MAP3K13: variants seen among roughly 807,000 people sequenced by gnomAD.
MAP3K13 encodes leucine zipper-bearing kinase.
Under a neutral mutation model 104.0 loss-of-function variants are expected in MAP3K13, and 52 were observed. The ratio of observed to expected loss-of-function variants is 0.50; its 90% confidence interval spans 0.40 to 0.63. MAP3K13 has a LOEUF of 0.63. Among genes scored for constraint, MAP3K13 ranks in the 20% least tolerant of loss-of-function variants. The probability of loss-of-function intolerance (pLI) is 0.00; values close to 1 mark genes in which losing one functional copy is unlikely to be tolerated. For missense variants in MAP3K13, 914 were observed against 1,218.5 expected, an observed-to-expected ratio of 0.75 and a Z score of 3.72; for synonymous variants, 394 against 442.2, an observed-to-expected ratio of 0.89 and a Z score of 1.37.
At chr3:185,324,340 G>A (rs950293018) in intron 2 of MAP3K13, among the ~76,000 whole-genome samples, 6 of 152,078 alleles carry the variant, frequency 3.9e-5, no homozygotes, top group African/African-American at 1.4e-4. Flanking sequence ...ATATATTTAA[G>A]AGCCATTTAT....
intron 6 of MAP3K13, among the ~76,000 whole-genome samples, chr3:185,451,046 C>T (rs911815045): frequency 6.6e-5 from 10 of 152,162 alleles, no homozygotes; most frequent in Non-Finnish European, 1.0e-4. Context: ...GCTGAGATTG[C>T]GCCACTGCAC....
At chr3:185,455,832 GATAT>G (rs372195506) in intron 7 of MAP3K13, among the ~76,000 whole-genome samples, 9 of 110,236 alleles carry the variant, frequency 8.2e-5, no homozygotes, top group South Asian at 2.8e-4. Context: ...ATATATATGA[GATAT>G]ATATATGAGA....
intron 13 of MAP3K13, among the ~76,000 whole-genome samples, chr3:185,481,641 C>A (rs868370868): frequency 3.3e-4 from 50 of 152,262 alleles, no homozygotes; most frequent in African/African-American, 1.1e-3. Context: ...AAGTGTAAAG[C>A]CTGGAATCTG....
At position 185,450,939 on chromosome 3, in the gene MAP3K13, A is replaced by C. The variant is rs1715846231; in HGVS notation, c.1170-348A>C. Among the ~76,000 whole-genome samples the C allele has an allele frequency of 2.0e-5, 3 of 152,122 alleles. No individual in the cohort carries two copies. Among genetic ancestry groups the C allele is most frequent in the Admixed American group, 1.3e-4 (2 of 15,276 alleles). ...CCCGTCTCTACTAAAAATACAAAAA[A>C]ATTAGCCAGGTCTGGTGGCGGGTGC... On this transcript the variant is annotated intron_variant, in intron 6 of 13. Transcript: ENST00000265026. This position sits in a 1 kb window ranked among gnomAD's most constrained non-coding sequence, Gnocchi z 4.2.
At chr3:185,345,795 A>G (rs1180985878) in intron 2 of MAP3K13, among the ~76,000 whole-genome samples, 1 of 152,202 alleles carries the variant, frequency 6.6e-6, no homozygotes, top group African/African-American at 2.4e-5. Flanking sequence ...AAAGTGCGCA[A>G]TAAATGTAAT....
At chr3:185,341,635 T>C (rs1280769680) in intron 2 of MAP3K13, among the ~76,000 whole-genome samples, 1 of 152,214 alleles carries the variant, frequency 6.6e-6, no homozygotes, top group Non-Finnish European at 1.5e-5. Context: ...TTAAGAGGTA[T>C]AGCCTAATTC....
At chr3:185,351,609 A>G (rs6799311) in intron 2 of MAP3K13, among the ~76,000 whole-genome samples, 6,736 of 152,304 alleles carry the variant, frequency 0.044, 501 homozygotes, top group African/African-American at 0.15. Flanking sequence ...CATATGTTAA[A>G]AAAAGGAAGA....
At chr3:185,411,378 T>C (rs1458791069) in intron 1 of MAP3K13, among the ~76,000 whole-genome samples, 1 of 152,214 alleles carries the variant, frequency 6.6e-6, no homozygotes. Flanking sequence ...CTTATTACTG[T>C]TATTTTGCAC....
chr3:185,483,236 G>C lies in MAP3K13; in HGVS notation c.*780G>C, dbSNP rs565959655. 1.7e-5 allele frequency: 4 copies of C among 232,954 alleles called. No individual in the cohort carries two copies. In the South Asian group the frequency reaches 7.2e-4, roughly 42 times the overall value. 14.4% of individuals were successfully genotyped at this position (232,954 alleles called of 1,614,324 possible). A position where few individuals can be genotyped will look rare whatever the true frequency, so the allele number is the denominator to read the frequency against. On this transcript the variant is annotated 3_prime_UTR_variant, in exon 14 of 14. Transcript: ENST00000265026. ...ATGTTTAAGCAGCAGTTGGTAGTGA[G>C]GTTTACAGATAGTGTCAAATCTTGT...
At position 185,436,615 on chromosome 3, in the gene MAP3K13, A is replaced by G. The variant is rs1247641251; in HGVS notation, c.476-832A>G. Among the ~76,000 whole-genome samples the G allele has an allele frequency of 2.0e-5, 3 of 152,196 alleles. No individual in the cohort carries two copies. The East Asian group carries it at 5.8e-4, about 29-fold the overall frequency. Reference sequence around the variant, plus strand: ...GAACATATGATATATGTAAAGTACTATGCTAGTGTATGGTATATAGTAAGT... The same window carrying G: ...GAACATATGATATATGTAAAGTACTGTGCTAGTGTATGGTATATAGTAAGT... On this transcript the variant is annotated intron_variant, in intron 2 of 13. Coordinates refer to ENST00000265026, the MANE Select transcript of MAP3K13 (RefSeq NM_004721.5).
Position 185,473,418 on chromosome 3 carries a change from C to G in MAP3K13, c.2087C>G (p.Pro696Arg). Residue 696 changes from proline to arginine, a missense_variant, in exon 11 of 14, where the codon CCT becomes CGT. Physicochemically the swap from Pro to Arg is moderately radical, Grantham distance 103. Coordinates refer to ENST00000265026, the MANE Select transcript of MAP3K13 (RefSeq NM_004721.5). The surrounding 1 kb of genome is among the most constrained non-coding windows in gnomAD (Gnocchi z 4.9). Reference sequence around the variant, plus strand: ...CAGAGACAGCTGCCCGGCTCGAGCCCTGACCTCATCTCCACAGCCATGGCT... The same window carrying G: ...CAGAGACAGCTGCCCGGCTCGAGCCGTGACCTCATCTCCACAGCCATGGCT... Reference protein sequence around the residue: ...HAQRQLPGSSPDLISTAMAAD... With the variant: ...HAQRQLPGSSRDLISTAMAAD... 2.5e-6 allele frequency: 4 copies of G among 1,614,222 alleles called. No homozygotes were observed. The highest frequency in any genetic ancestry group is 2.5e-6 in the Non-Finnish European group (3 of 1,180,044).
chr3:185,469,716 T>C (rs990071259), intron 10 of MAP3K13, among the ~76,000 whole-genome samples: 4 of 152,226 alleles, frequency 2.6e-5, no homozygotes, highest in Admixed American at 1.3e-4. Flanking sequence ...TTTAGCATCA[T>C]CTGAGAGCTT....
chr3:185,291,592 G>C, intron 2 of MAP3K13: 1 of 1,498,022 alleles, frequency 6.7e-7, no homozygotes. Context: ...GAATTTTTTT[G>C]TGTTTTGTTT....
At chr3:185,437,900 GT>G (rs1483641394) in intron 3 of MAP3K13, among the ~76,000 whole-genome samples, 5 of 152,130 alleles carry the variant, frequency 3.3e-5, no homozygotes, top group Admixed American at 2.0e-4. Flanking sequence ...GAAAATGTGG[GT>G]TCCTGCCAAG....
chr3:185,333,271 T>C (rs1365765414), intron 2 of MAP3K13, among the ~76,000 whole-genome samples: 3 of 152,192 alleles, frequency 2.0e-5, no homozygotes, highest in Admixed American at 2.0e-4. Context: ...ATTGGACAAG[T>C]TACTGAACCT....
rs1560117705 is a variant in MAP3K13 at position 185,454,861 on chromosome 3, T to TATATATATGAGATATATACATG, written c.1278+3484_1278+3485insCATGATATATATGAGATATATA. ...ATATATATATGAGATATATACATGATATATATATGAGATATATATATGATA... is the reference window on the plus strand; with the variant it reads ...ATATATATATGAGATATATACATGATATATATATGAGATATATACATGATATATATGAGATATATATATGATA... On this transcript the variant is annotated intron_variant, in intron 7 of 13. Coordinates refer to ENST00000265026, the MANE Select transcript of MAP3K13 (RefSeq NM_004721.5). Among the ~76,000 whole-genome samples the TATATATATGAGATATATACATG allele has an allele frequency of 2.1e-3, 100 of 48,566 alleles. 6 individuals carry two copies. The highest frequency in any genetic ancestry group is 5.9e-3 in the African/African-American group (97 of 16,424). 31.9% of individuals were successfully genotyped at this position (48,566 alleles called of 152,430 possible).
chr3:185,339,820 G>A (rs1179523184), intron 2 of MAP3K13, among the ~76,000 whole-genome samples: 1 of 152,218 alleles, frequency 6.6e-6, no homozygotes, highest in African/African-American at 2.4e-5. Context: ...TTCACACACA[G>A]ATACAGCTAA....
In MAP3K13 at chr3:185,428,625, A is replaced by G. The variant is rs373277959; in HGVS notation, c.44A>G (p.His15Arg). 13 of 1,612,276 alleles carry G rather than the reference A, an allele frequency of 8.1e-6. No individual in the cohort carries two copies. Among genetic ancestry groups the G allele is most frequent in the Admixed American group, 6.7e-5 (4 of 59,914 alleles). Reference sequence around the variant, plus strand: ...CACCTGAGCTGCTCCTCTTCTCCACACTTACCCTTCAGTGAAAGCAAAACC... The same window carrying G: ...CACCTGAGCTGCTCCTCTTCTCCACGCTTACCCTTCAGTGAAAGCAAAACC... ...QEHLSCSSSPHLPFSESKTFN... is the reference protein window; with the variant it reads ...QEHLSCSSSPRLPFSESKTFN... Residue 15 changes from histidine to arginine, a missense_variant, in exon 2 of 14, where the codon CAC becomes CGC. Transcript: ENST00000265026.
chr3:185,439,745 T>C (rs757771505), intron 3 of MAP3K13, among the ~76,000 whole-genome samples: 5 of 152,222 alleles, frequency 3.3e-5, no homozygotes, highest in Non-Finnish European at 7.3e-5. Flanking sequence ...CTTCTTTCTC[T>C]TTCTTCCTTT....
Sources: gnomAD v4.1 joint callset for allele counts (sites outside exome capture counted in the v4.1 genomes callset) on GRCh38, gnomAD v4.1.1 for gene constraint, Gnocchi (gnomAD v3.1) non-coding constraint, MANE v1.5 for transcripts, NCBI Gene and HGNC (gene_info 2026-07-23, HGNC 2026-07-21) for gene names.